Variants in ARHGAP32 observed in about 807,000 individuals in gnomAD.
ARHGAP32 encodes rho GTPase-activating protein 32.
Under a neutral mutation model 186.5 loss-of-function variants are expected in ARHGAP32, and 51 were observed. That is an observed-to-expected ratio of 0.27 (90% CI 0.22 to 0.35). ARHGAP32 has a LOEUF of 0.35. Among genes scored for constraint, ARHGAP32 ranks in the 10% least tolerant of loss-of-function variants. The pLI, the probability that ARHGAP32 is intolerant of heterozygous loss-of-function variation, is 1.00. For synonymous variants in ARHGAP32, 950 were observed against 964.3 expected (o/e 0.99, Z 0.27); for missense variants, 2,186 against 2,623.5 (o/e 0.83, Z 3.64).
intron 1 of ARHGAP32, among the ~76,000 whole-genome samples, chr11:129,256,906 C>G (rs1025959103): frequency 1.1e-4 from 17 of 152,102 alleles, no homozygotes; most frequent in African/African-American, 3.9e-4. Context: ...ATCTCTTAGC[C>G]TTTCCCTAAA....
chr11:128,970,814 C>T lies in ARHGAP32; in HGVS notation c.4399G>A (p.Asp1467Asn), dbSNP rs1275015619. The change falls in exon 23 of 23, where the codon GAT becomes AAT. Residue 1467 changes from aspartate to asparagine, a missense_variant. Physicochemically the swap from Asp to Asn is conservative, Grantham distance 23. Coordinates refer to ENST00000682385, the MANE Select transcript of ARHGAP32 (RefSeq NM_001378024.1). This position sits in a 1 kb window ranked among gnomAD's most constrained non-coding sequence, Gnocchi z 5.8. ...ACAGGAAGTGGTAAAGGCAATGCAT[C>T]GTCCACAGAGGTGGATGAAGCAGTG... ...FVTASSTSVD[D>N]ALPLPLPVPQ... is the part of the protein sequence containing the mutation. The T allele has an allele frequency of 1.1e-5, 18 of 1,614,092 alleles. No homozygotes were observed. The highest frequency in any genetic ancestry group is 1.7e-5 in the Admixed American group (1 of 60,022).
At chr11:129,129,241 G>C (rs1005241187) in intron 2 of ARHGAP32, among the ~76,000 whole-genome samples, 1 of 143,724 alleles carries the variant, frequency 7.0e-6, no homozygotes, top group African/African-American at 2.5e-5. Flanking sequence ...CAGCTGCCCC[G>C]TCTGGGAAGT....
intron 1 of ARHGAP32, among the ~76,000 whole-genome samples, chr11:129,260,617 T>C (rs1310425734): frequency 6.6e-6 from 1 of 152,194 alleles, no homozygotes; most frequent in African/African-American, 2.4e-5. Context: ...TCTTTATCTA[T>C]ATACTTTAAT....
intron 12 of ARHGAP32, among the ~76,000 whole-genome samples, chr11:128,992,574 C>T (rs1339451019): frequency 6.6e-6 from 1 of 151,658 alleles, no homozygotes; most frequent in African/African-American, 2.4e-5. Context: ...GTCAGGAGTT[C>T]AAGACCAGCC....
At position 128,971,155 on chromosome 11, in the gene ARHGAP32, T is replaced by C. The variant is rs745705572; in HGVS notation, c.4058A>G (p.Gln1353Arg). ...NIGLNNSHKV[Q>R]GVVPVPERPP... ...CCTCTCTGGAACTGGAACTACTCCTTGAACCTATTGAAAGATGATAATACT... is the reference window on the plus strand; with the variant it reads ...CCTCTCTGGAACTGGAACTACTCCTCGAACCTATTGAAAGATGATAATACT... Residue 1353 changes from glutamine to arginine, a missense_variant, in exon 23 of 23, where the codon CAA becomes CGA. Around this residue, in one of 5 missense-constraint regions of ARHGAP32, gnomAD observed 1,502 missense variants for 1,570.0 expected, o/e 0.96. Coordinates refer to ENST00000682385, the MANE Select transcript of ARHGAP32 (RefSeq NM_001378024.1). 6 of 1,605,568 alleles carry C rather than the reference T, an allele frequency of 3.7e-6. No homozygotes were observed. Among genetic ancestry groups the C allele is most frequent in the Non-Finnish European group, 4.3e-6 (5 of 1,173,676 alleles).
At chr11:128,980,814 C>G (rs1945687445) in intron 17 of ARHGAP32, 66 bp from the exon 18 acceptor site, 1 of 1,217,544 alleles carries the variant, frequency 8.2e-7, no homozygotes, top group Non-Finnish European at 1.2e-6. Flanking sequence ...TTGTTAGTAT[C>G]TATCTCTCCA....
chr11:129,088,737 T>G (rs926580203), intron 6 of ARHGAP32, among the ~76,000 whole-genome samples: 13 of 152,010 alleles, frequency 8.6e-5, no homozygotes, highest in Non-Finnish European at 1.9e-4. Flanking sequence ...TTGCTAATTT[T>G]TCATCTTAGT....
chr11:129,065,695 A>G (rs1940663665), intron 7 of ARHGAP32, among the ~76,000 whole-genome samples: 2 of 152,038 alleles, frequency 1.3e-5, no homozygotes, highest in Non-Finnish European at 2.9e-5. Flanking sequence ...AACCCACTGA[A>G]TCTCAGAACA....
chr11:129,017,323 G>A (rs992460407), intron 11 of ARHGAP32, among the ~76,000 whole-genome samples: 10 of 151,690 alleles, frequency 6.6e-5, no homozygotes, highest in African/African-American at 1.9e-4. Flanking sequence ...GTGTGGTGGC[G>A]GGCACCTGTA....
chr11:129,064,060 CTG>C, intron 8 of ARHGAP32, 36 bp from the exon 9 acceptor site: 1 of 1,549,838 alleles, frequency 6.5e-7, no homozygotes, highest in Non-Finnish European at 8.7e-7. Flanking sequence ...GATAAAGACA[CTG>C]GACTTGCAAA....
At chr11:129,010,539 TA>T (rs1369474654) in intron 11 of ARHGAP32, among the ~76,000 whole-genome samples, 1 of 152,234 alleles carries the variant, frequency 6.6e-6, no homozygotes, top group African/African-American at 2.4e-5. Context: ...ATCCATTTAT[TA>T]AATACGGAAT....
intron 2 of ARHGAP32, among the ~76,000 whole-genome samples, chr11:129,139,405 G>A (rs1046494039): frequency 5.9e-5 from 9 of 151,916 alleles, no homozygotes; most frequent in Non-Finnish European, 1.2e-4. Flanking sequence ...TCGATTTTAT[G>A]GTATATTAGT....
At chr11:129,104,640 ACATTT>A in intron 5 of ARHGAP32, among the ~76,000 whole-genome samples, 1 of 151,902 alleles carries the variant, frequency 6.6e-6, no homozygotes, top group South Asian at 2.1e-4. Flanking sequence ...AGGAGAGAGA[ACATTT>A]CAGAAAAAAA....
At chr11:129,176,996 G>C (rs942038796) in intron 1 of ARHGAP32, among the ~76,000 whole-genome samples, 66 of 150,130 alleles carry the variant, frequency 4.4e-4, no homozygotes, top group African/African-American at 1.5e-3. Context: ...ATGAATCCAG[G>C]AGCTGGTTTT....
At chr11:129,027,098 CAAAA>C (rs368676310) in intron 11 of ARHGAP32, among the ~76,000 whole-genome samples, 2 of 108,204 alleles carry the variant, frequency 1.8e-5, no homozygotes, top group East Asian at 2.8e-4. Flanking sequence ...GACTCTGTCT[CAAAA>C]AAAAAAAAAA....
chr11:129,111,892 A>C (rs973664684), intron 5 of ARHGAP32, among the ~76,000 whole-genome samples: 12 of 152,196 alleles, frequency 7.9e-5, no homozygotes, highest in Admixed American at 7.8e-4. Flanking sequence ...CCTCCCAAGT[A>C]GCAGGGACTA....
chr11:129,123,602 C>T lies in ARHGAP32; in HGVS notation c.360-72G>A, dbSNP rs979363171. ...AATTACTAAGTTTAAGGGAAAAATA[C>T]AGTGGATTTAAGAGCTCATGCAAGC... On this transcript the variant is annotated intron_variant, in intron 4 of 22. Coordinates refer to ENST00000682385, the MANE Select transcript of ARHGAP32 (RefSeq NM_001378024.1). The surrounding 1 kb of genome is among the most constrained non-coding windows in gnomAD (Gnocchi z 4.6). 30 of 1,405,446 alleles carry T rather than the reference C, an allele frequency of 2.1e-5. No individual in the cohort carries two copies. In the African/African-American group the frequency reaches 3.3e-4, roughly 15 times the overall value. The allele number at this position is 1,405,446 out of a possible 1,614,324, so 87.1% of individuals were successfully genotyped here.
intron 1 of ARHGAP32, 62 bp from the exon 2 acceptor site, chr11:129,164,489 GAT>G: frequency 1.0e-6 from 1 of 954,656 alleles, no homozygotes; most frequent in Non-Finnish European, 1.6e-6. Context: ...GCCTTCCAAT[GAT>G]CACAATTGAA....
chr11:129,161,186 A>C (rs1291953698), intron 2 of ARHGAP32, among the ~76,000 whole-genome samples: 2 of 152,192 alleles, frequency 1.3e-5, no homozygotes, highest in African/African-American at 4.8e-5. Context: ...CATAAGACCT[A>C]AAACCATAAA....
Sources: gnomAD v4.1 joint callset for allele counts (sites outside exome capture counted in the v4.1 genomes callset) on GRCh38, gnomAD v4.1.1 for gene constraint, gnomAD v4.1.1 regional missense constraint, Gnocchi (gnomAD v3.1) non-coding constraint, MANE v1.5 for transcripts, NCBI Gene and HGNC (gene_info 2026-07-23, HGNC 2026-07-21) for gene names.